Variants in MECOM observed in about 807,000 individuals in gnomAD.
MECOM encodes the protein histone-lysine N-methyltransferase MECOM.
A neutral mutation model predicts 116.3 loss-of-function variants in MECOM; 13 were observed. That is an observed-to-expected ratio of 0.11 (90% CI 0.07 to 0.18). MECOM has a LOEUF of 0.18. Ranked by LOEUF, MECOM falls within the 10% of genes least tolerant of loss-of-function variation. MECOM has a pLI of 1.00. For synonymous variants in MECOM, 528 were observed against 535.2 expected (o/e 0.99, Z 0.19); for missense variants, 1,299 against 1,509.0 (o/e 0.86, Z 2.31).
chr3:169,556,395 T>C (rs1470999234), intron 1 of MECOM, among the ~76,000 whole-genome samples: 1 of 152,148 alleles, frequency 6.6e-6, no homozygotes, highest in Non-Finnish European at 1.5e-5. Context: ...AATGACTTTG[T>C]TGAAGGTGAA....
intron 2 of MECOM, among the ~76,000 whole-genome samples, chr3:169,329,623 T>C (rs750527063): frequency 6.6e-6 from 1 of 152,230 alleles, no homozygotes; most frequent in Non-Finnish European, 1.5e-5. Flanking sequence ...CCAGTTCTTG[T>C]TCATAGTAAA....
chr3:169,223,900 C>G (rs1005424743), intron 2 of MECOM, among the ~76,000 whole-genome samples: 1 of 152,146 alleles, frequency 6.6e-6, no homozygotes, highest in Non-Finnish European at 1.5e-5. Flanking sequence ...CAGGTGGAAC[C>G]TCCTGTAGGT....
chr3:169,539,609 T>C (rs991074064), intron 1 of MECOM, among the ~76,000 whole-genome samples: 1 of 152,230 alleles, frequency 6.6e-6, no homozygotes, highest in Non-Finnish European at 1.5e-5. Flanking sequence ...CTTCCACTTC[T>C]TTCCATTTCC....
intron 2 of MECOM, among the ~76,000 whole-genome samples, chr3:169,322,472 AG>A (rs1241675952): frequency 6.6e-6 from 1 of 152,192 alleles, no homozygotes; most frequent in Non-Finnish European, 1.5e-5. Flanking sequence ...ATAGGTGTAA[AG>A]AACTCCTTCA....
chr3:169,313,421 A>T (rs1210894419), intron 2 of MECOM, among the ~76,000 whole-genome samples: 2 of 152,234 alleles, frequency 1.3e-5, no homozygotes, highest in African/African-American at 4.8e-5. Context: ...CACTAATGGA[A>T]ATATCTAGCG....
intron 2 of MECOM, among the ~76,000 whole-genome samples, chr3:169,330,035 AT>A (rs890715381): frequency 4.0e-5 from 6 of 151,062 alleles, no homozygotes; most frequent in South Asian, 2.1e-4. Flanking sequence ...GTGGATTTTT[AT>A]TTTTTTTTAG....
intron 1 of MECOM, among the ~76,000 whole-genome samples, chr3:169,508,876 A>G (rs549838232): frequency 6.6e-6 from 1 of 152,298 alleles, no homozygotes; most frequent in South Asian, 2.1e-4. Flanking sequence ...TCAATGCCTT[A>G]GTTAAACATA....
chr3:169,434,191 A>T (rs1469989020), intron 1 of MECOM, among the ~76,000 whole-genome samples: 3 of 152,210 alleles, frequency 2.0e-5, no homozygotes, highest in Non-Finnish European at 4.4e-5. Context: ...ATACAGTCAA[A>T]TTTTTTATGT....
chr3:169,415,007 C>T (rs1738296575), intron 1 of MECOM, among the ~76,000 whole-genome samples: 1 of 152,152 alleles, frequency 6.6e-6, no homozygotes, highest in Admixed American at 6.5e-5. Flanking sequence ...GACAAGCTAA[C>T]ATTCAAATTC....
At chr3:169,489,646 G>T (rs1752840177) in intron 1 of MECOM, among the ~76,000 whole-genome samples, 1 of 152,076 alleles carries the variant, frequency 6.6e-6, no homozygotes, top group African/African-American at 2.4e-5. Context: ...GTGGGGAAAA[G>T]AATAATTCTT....
intron 9 of MECOM, among the ~76,000 whole-genome samples, chr3:169,110,535 T>A (rs1358103529): frequency 6.6e-6 from 1 of 152,082 alleles, no homozygotes; most frequent in African/African-American, 2.4e-5. Context: ...ATAAAAACAA[T>A]GAAATATTTC....
intron 2 of MECOM, among the ~76,000 whole-genome samples, chr3:169,362,833 T>C (rs944395324): frequency 1.3e-5 from 2 of 151,980 alleles, no homozygotes; most frequent in African/African-American, 4.8e-5. Flanking sequence ...GGCTTTGCTG[T>C]TTCACACACA....
intron 1 of MECOM, among the ~76,000 whole-genome samples, chr3:169,571,657 G>T (rs1404984316): frequency 6.6e-6 from 1 of 152,072 alleles, no homozygotes; most frequent in Non-Finnish European, 1.5e-5. Context: ...TAGACCAATG[G>T]AACAGAACAG....
chr3:169,425,985 T>G (rs1218273693), intron 1 of MECOM, among the ~76,000 whole-genome samples: 1 of 152,136 alleles, frequency 6.6e-6, no homozygotes, highest in South Asian at 2.1e-4. Context: ...ATGTGGAAGG[T>G]GGTTATCTCT....
intron 1 of MECOM, among the ~76,000 whole-genome samples, chr3:169,547,904 G>A (rs1157016902): frequency 6.6e-6 from 1 of 152,116 alleles, no homozygotes; most frequent in African/African-American, 2.4e-5. Context: ...ATTAATAGGA[G>A]AGAAGCACAC....
At chr3:169,377,958 G>T (rs922626257) in intron 2 of MECOM, among the ~76,000 whole-genome samples, 2 of 152,108 alleles carry the variant, frequency 1.3e-5, no homozygotes, top group Admixed American at 1.3e-4. Flanking sequence ...TAAAGAAAAT[G>T]TGGTACATAT....
chr3:169,564,589 G>GC (rs1239142978), intron 1 of MECOM, among the ~76,000 whole-genome samples: 7 of 151,950 alleles, frequency 4.6e-5, no homozygotes, highest in Admixed American at 2.6e-4. Flanking sequence ...TAATTCAAGT[G>GC]CCCCCCCAAA....
chr3:169,223,128 A>G (rs1393620280), intron 2 of MECOM, among the ~76,000 whole-genome samples: 1 of 47,150 alleles, frequency 2.1e-5, no homozygotes, highest in Admixed American at 2.5e-4. Flanking sequence ...TCAAAGTCCT[A>G]TATTTTTTTT....
chr3:169,486,095 T>C (rs1337440323), intron 1 of MECOM, among the ~76,000 whole-genome samples: 2 of 145,358 alleles, frequency 1.4e-5, no homozygotes, highest in Non-Finnish European at 3.0e-5. Context: ...TGGTTTTAGG[T>C]GTGGAAATAT....
Sources: gnomAD v4.1 joint callset for allele counts (sites outside exome capture counted in the v4.1 genomes callset) on GRCh38, gnomAD v4.1.1 for gene constraint, MANE v1.5 for transcripts, NCBI Gene and HGNC (gene_info 2026-07-23, HGNC 2026-07-21) for gene names.